The following TMEFF2 variants were observed in gnomAD, a reference collection of about 807,000 sequenced individuals.
TMEFF2 encodes the protein transmembrane protein with EGF like and two follistatin like domains 2.
Under a neutral mutation model 53.8 loss-of-function variants are expected in TMEFF2, and 28 were observed. The observed-to-expected ratio is 0.52, with a 90% CI of 0.39 to 0.71. The LOEUF is 0.71. Ranked by LOEUF, TMEFF2 falls within the 30% of genes least tolerant of loss-of-function variation. The pLI, the probability that TMEFF2 is intolerant of heterozygous loss-of-function variation, is 0.00. For missense variants in TMEFF2, 353 were observed against 455.2 expected (o/e 0.78, Z 2.04); for synonymous variants, 162 against 166.3 (o/e 0.97, Z 0.20).
intron 3 of TMEFF2, among the ~76,000 whole-genome samples, chr2:192,183,782 A>T (rs1469520475): frequency 6.6e-6 from 1 of 152,098 alleles, no homozygotes; most frequent in Non-Finnish European, 1.5e-5. Flanking sequence ...GTAAGCCATG[A>T]CTAAAAAACT....
chr2:192,101,783 C>G (rs1689036323), intron 4 of TMEFF2, among the ~76,000 whole-genome samples: 1 of 152,062 alleles, frequency 6.6e-6, no homozygotes, highest in African/African-American at 2.4e-5. Context: ...ATCTAGTCAG[C>G]CTGGAGAATG....
rs1004157869 is a variant in TMEFF2 at position 191,959,913 on chromosome 2, A to G, written c.746-3535T>C. On this transcript the variant is annotated intron_variant, in intron 7 of 9. Transcript: ENST00000272771. ...TTTTTTAGTTTGAGAGTCTTACTCT[A>G]TTACCCAGGATGGAATGCAGTGGCG... Among the ~76,000 whole-genome samples, 15 of 152,114 alleles carry G rather than the reference A, an allele frequency of 9.9e-5. No individual in the cohort carries two copies. In the South Asian group the frequency reaches 1.2e-3, roughly 13 times the overall value.
In TMEFF2 at chr2:191,949,246, T is replaced by A; in HGVS notation, c.*1065A>T. 1.0e-6 allele frequency: 1 copy of A among 985,392 alleles called. No individual in the cohort carries two copies. Among genetic ancestry groups the A allele is most frequent in the Non-Finnish European group, 1.2e-6 (1 of 829,898 alleles). The allele number at this position is 985,392 out of a possible 1,614,324, so 61.0% of individuals were successfully genotyped here. ...CCATACCAACTTCCCAGTGAGGTCT[T>A]TCAGATGCTATAGGATTAATTTTCT... On this transcript the variant is annotated 3_prime_UTR_variant, in exon 10 of 10. Coordinates refer to ENST00000272771, the MANE Select transcript of TMEFF2 (RefSeq NM_016192.4).
chr2:192,106,358 T>C (rs766173741), intron 4 of TMEFF2, among the ~76,000 whole-genome samples: 1 of 151,734 alleles, frequency 6.6e-6, no homozygotes, highest in Non-Finnish European at 1.5e-5. Flanking sequence ...ATGGGAGTTA[T>C]TGTTGATATT....
intron 1 of TMEFF2, 125 bp from the exon 2 acceptor site, chr2:192,192,114 G>A: frequency 1.6e-6 from 1 of 625,292 alleles, no homozygotes; most frequent in South Asian, 2.1e-5. Flanking sequence ...TAGCTGTACT[G>A]CAAGGTCACT....
At chr2:192,061,316 C>T (rs1052061683) in intron 4 of TMEFF2, among the ~76,000 whole-genome samples, 12 of 152,040 alleles carry the variant, frequency 7.9e-5, no homozygotes, top group Admixed American at 2.6e-4. Flanking sequence ...GCTGGTTCCC[C>T]ATTCACAAAT....
chr2:192,114,582 A>G (rs1689356370), intron 4 of TMEFF2, among the ~76,000 whole-genome samples: 1 of 151,890 alleles, frequency 6.6e-6, no homozygotes, highest in South Asian at 2.1e-4. Context: ...ACTAATGAGC[A>G]AATTCACTAA....
intron 4 of TMEFF2, among the ~76,000 whole-genome samples, chr2:192,111,737 C>T (rs1355082462): frequency 6.6e-6 from 1 of 152,164 alleles, no homozygotes; most frequent in African/African-American, 2.4e-5. Context: ...TCATTGCAGG[C>T]CCATAGGCCT....
intron 5 of TMEFF2, among the ~76,000 whole-genome samples, chr2:192,019,635 T>C (rs1686817773): frequency 6.6e-6 from 1 of 151,504 alleles, no homozygotes; most frequent in African/African-American, 2.4e-5. Context: ...TTAAATGTTG[T>C]CTTTTTTTTT....
At chr2:192,012,995 G>A (rs1686666453) in intron 5 of TMEFF2, among the ~76,000 whole-genome samples, 1 of 152,138 alleles carries the variant, frequency 6.6e-6, no homozygotes, top group Non-Finnish European at 1.5e-5. Context: ...AATTACCAGG[G>A]AAATAAGAGA....
chr2:192,089,735 C>T (rs76681674), intron 4 of TMEFF2, among the ~76,000 whole-genome samples: 62 of 152,234 alleles, frequency 4.1e-4, no homozygotes, highest in African/African-American at 1.3e-3. Context: ...TATGACTTTA[C>T]GTAACCTCTT....
chr2:192,060,034 G>A (rs1257559471), intron 4 of TMEFF2, among the ~76,000 whole-genome samples: 3 of 118,384 alleles, frequency 2.5e-5, no homozygotes, highest in South Asian at 3.3e-4. Flanking sequence ...AGAGGCTTTC[G>A]TGGATCATAT....
chr2:192,008,894 A>T (rs1302954713), intron 5 of TMEFF2, among the ~76,000 whole-genome samples: 1 of 152,216 alleles, frequency 6.6e-6, no homozygotes, highest in Non-Finnish European at 1.5e-5. Flanking sequence ...GTGTATGAAC[A>T]TCATTACAGT....
At chr2:192,101,387 C>A (rs1689028591) in intron 4 of TMEFF2, among the ~76,000 whole-genome samples, 1 of 152,084 alleles carries the variant, frequency 6.6e-6, no homozygotes, top group Non-Finnish European at 1.5e-5. Flanking sequence ...TCTAGAGGAT[C>A]ATGTTATTTA....
At chr2:192,114,002 G>A (rs907041169) in intron 4 of TMEFF2, among the ~76,000 whole-genome samples, 3 of 151,304 alleles carry the variant, frequency 2.0e-5, no homozygotes, top group East Asian at 1.9e-4. Flanking sequence ...AATCAAAACC[G>A]ATATGGGTTT....
intron 4 of TMEFF2, among the ~76,000 whole-genome samples, chr2:192,140,709 C>T (rs933102826): frequency 7.9e-5 from 12 of 152,080 alleles, no homozygotes; most frequent in Non-Finnish European, 1.5e-4. Flanking sequence ...TACTCCAATT[C>T]CACAGGCAGA....
At chr2:192,078,269 G>T (rs1052119178) in intron 4 of TMEFF2, among the ~76,000 whole-genome samples, 4 of 152,124 alleles carry the variant, frequency 2.6e-5, no homozygotes, top group Non-Finnish European at 2.9e-5. Context: ...AGTACTGATT[G>T]CAGGGATATT....
chr2:192,118,256 C>G (rs1689464075), intron 4 of TMEFF2, among the ~76,000 whole-genome samples: 1 of 152,058 alleles, frequency 6.6e-6, no homozygotes, highest in Admixed American at 6.6e-5. Flanking sequence ...GATATGCCAA[C>G]AGATGTGTTT....
intron 5 of TMEFF2, among the ~76,000 whole-genome samples, chr2:192,007,399 T>C (rs1176081707): frequency 6.6e-6 from 1 of 152,154 alleles, no homozygotes; most frequent in Non-Finnish European, 1.5e-5. Flanking sequence ...TAAGACTCTT[T>C]TGTTTAATGC....
Sources: allele counts gnomAD v4.1 joint callset (sites outside exome capture counted in the v4.1 genomes callset), GRCh38; gene constraint gnomAD v4.1.1; transcripts MANE v1.5; gene names NCBI Gene and HGNC (gene_info 2026-07-23, HGNC 2026-07-21).